The following ENOX1 variants were observed in gnomAD, a reference collection of about 807,000 sequenced individuals.
The protein encoded by ENOX1 is ecto-NOX disulfide-thiol exchanger 1.
In ENOX1, 42 loss-of-function variants were observed where a neutral mutation model predicts 82.5. The observed-to-expected ratio is 0.51, with a 90% confidence interval of 0.40 to 0.66. The LOEUF is 0.66. Among genes scored for constraint, ENOX1 ranks in the 30% least tolerant of loss-of-function variants. The pLI is 0.00. For missense variants in ENOX1, 608 were observed against 811.6 expected (o/e 0.75, Z 3.05); for synonymous variants, 271 against 282.2 (o/e 0.96, Z 0.40).
At chr13:43,422,088 T>C (rs1238696448) in intron 3 of ENOX1, among the ~76,000 whole-genome samples, 2 of 152,002 alleles carry the variant, frequency 1.3e-5, no homozygotes, top group Non-Finnish European at 1.5e-5. Context: ...TCTTGTATAC[T>C]AGAATACAGA....
At chr13:43,452,435 T>C (rs2057017296) in intron 3 of ENOX1, among the ~76,000 whole-genome samples, 1 of 152,238 alleles carries the variant, frequency 6.6e-6, no homozygotes, top group South Asian at 2.1e-4. Context: ...TCCATGTCCC[T>C]GCAAAGAACA....
At position 43,579,497 on chromosome 13, in the gene ENOX1, C is replaced by T. The variant is rs1320771028; in HGVS notation, c.-219+87982G>A. Reference sequence around the variant, plus strand: ...AATGAGCATTTCAGTCTCCAATATCCAGCAGATGCATTTCTACTATTTTCA... The same window carrying T: ...AATGAGCATTTCAGTCTCCAATATCTAGCAGATGCATTTCTACTATTTTCA... On this transcript the variant is annotated intron_variant, in intron 2 of 16. Transcript: ENST00000690772. Among the ~76,000 whole-genome samples, 3 of 152,190 alleles carry T rather than the reference C, an allele frequency of 2.0e-5. No individual in the cohort carries two copies. The East Asian group carries it at 5.8e-4, about 29-fold the overall frequency.
intron 2 of ENOX1, among the ~76,000 whole-genome samples, chr13:43,604,242 T>G (rs987106939): frequency 6.6e-6 from 1 of 151,696 alleles, no homozygotes; most frequent in Admixed American, 6.6e-5. Flanking sequence ...GTTGTTTTTT[T>G]CTTGTAAATT....
rs1253353920 is a variant in ENOX1 at position 43,707,264 on chromosome 13, T to C, written c.-284-39720A>G. Among the ~76,000 whole-genome samples the C allele has an allele frequency of 2.0e-5, 3 of 152,114 alleles. No homozygotes were observed. The East Asian group carries it at 5.8e-4, about 29-fold the overall frequency. On this transcript the variant is annotated intron_variant, in intron 1 of 16. Transcript: ENST00000690772. ...ATTGAAGAAAAAGAATAAAGACCTA[T>C]GTAAATGAATAGATGTTTCATGTTT...
At chr13:43,277,352 T>G (rs1288116181) in intron 12 of ENOX1, among the ~76,000 whole-genome samples, 1 of 152,188 alleles carries the variant, frequency 6.6e-6, no homozygotes. Flanking sequence ...ACCCTGCTGT[T>G]AAGATCCTAA....
chr13:43,678,709 C>T (rs1016127859), intron 1 of ENOX1, among the ~76,000 whole-genome samples: 1 of 152,172 alleles, frequency 6.6e-6, no homozygotes, highest in African/African-American at 2.4e-5. Context: ...CTGAGTAGCA[C>T]TCAGAACTGC....
chr13:43,742,272 T>G (rs1019922365), intron 1 of ENOX1, among the ~76,000 whole-genome samples: 6 of 152,004 alleles, frequency 3.9e-5, no homozygotes, highest in Admixed American at 3.9e-4. Context: ...GGAAAACCAG[T>G]GACATAGTAA....
intron 2 of ENOX1, among the ~76,000 whole-genome samples, chr13:43,552,274 A>G (rs1227380420): frequency 1.3e-5 from 2 of 152,044 alleles, no homozygotes; most frequent in African/African-American, 4.8e-5. Context: ...GAAGCCATAG[A>G]AAAGGGCTCA....
chr13:43,712,346 C>A lies in ENOX1; in HGVS notation c.-284-44802G>T, dbSNP rs540229374. Among the ~76,000 whole-genome samples the A allele has an allele frequency of 1.4e-4, 21 of 151,822 alleles. No individual in the cohort carries two copies. In the South Asian group the frequency reaches 2.1e-3, roughly 15 times the overall value. On this transcript the variant is annotated intron_variant, in intron 1 of 16. Transcript: ENST00000690772. The stretch of plus-strand genomic sequence containing the variant: ...GTAGCCTTGTAGTATAGTTTGAAGT[C>A]AGGTAGCATGATGCCTCCAGCTTTG...
In ENOX1 at chr13:43,603,353, C is replaced by CT. The variant is rs1317132765; in HGVS notation, c.-219+64125dup. 5.5e-4 allele frequency among the ~76,000 whole-genome samples: 77 copies of CT among 139,356 alleles called. 1 individual carries two copies. The highest frequency in any genetic ancestry group is 2.1e-3 in the African/African-American group (73 of 34,830). The allele number at this position is 139,356 out of a possible 152,430, so 91.4% of individuals were successfully genotyped here. On this transcript the variant is annotated intron_variant, in intron 2 of 16. Transcript: ENST00000690772. ...TGGGATGGCAAAATGGTTCCAGCTG[C>CT]TTTTTTTTCCTTTTATTTATTTTAT... is the stretch of plus-strand genomic sequence containing the variant.
intron 11 of ENOX1, among the ~76,000 whole-genome samples, chr13:43,320,417 T>G (rs1036188736): frequency 6.6e-6 from 1 of 152,200 alleles, no homozygotes; most frequent in African/African-American, 2.4e-5. Context: ...GTTCAGGCTC[T>G]ACTTCACGTT....
At chr13:43,253,615 A>G (rs1302776341) in intron 14 of ENOX1, among the ~76,000 whole-genome samples, 2 of 152,192 alleles carry the variant, frequency 1.3e-5, no homozygotes, top group African/African-American at 4.8e-5. Flanking sequence ...GAAAATCACT[A>G]TGGAATATTT....
chr13:43,611,762 A>G (rs556430912), intron 2 of ENOX1, among the ~76,000 whole-genome samples: 39 of 152,302 alleles, frequency 2.6e-4, no homozygotes, highest in African/African-American at 8.9e-4. Context: ...CTTAACAACC[A>G]ATTACTTGTA....
At chr13:43,735,935 A>C (rs779528839) in intron 1 of ENOX1, among the ~76,000 whole-genome samples, 1 of 152,210 alleles carries the variant, frequency 6.6e-6, no homozygotes, top group Non-Finnish European at 1.5e-5. Flanking sequence ...TTGCTTCTGG[A>C]AACTTCCCGT....
Position 43,651,916 on chromosome 13 carries a change from G to A in ENOX1, c.-219+15563C>T, listed in dbSNP as rs1165860572. The stretch of plus-strand genomic sequence containing the variant: ...CTTGAACCCAGGAGTCGGAGGTTGC[G>A]GTGAGATGAGATCGTGCCATCGCAG... On this transcript the variant is annotated intron_variant, in intron 2 of 16. Transcript: ENST00000690772. 5.4e-5 allele frequency among the ~76,000 whole-genome samples: 8 copies of A among 147,512 alleles called. No individual in the cohort carries two copies. In the East Asian group the frequency reaches 8.2e-4, roughly 15 times the overall value.
chr13:43,222,303 C>T (rs1353585914), intron 16 of ENOX1, among the ~76,000 whole-genome samples: 1 of 151,738 alleles, frequency 6.6e-6, no homozygotes, highest in Non-Finnish European at 1.5e-5. Flanking sequence ...GAGCTTCTAC[C>T]CGCCACCCCC....
At chr13:43,702,489 C>T (rs563812270) in intron 1 of ENOX1, among the ~76,000 whole-genome samples, 38 of 152,246 alleles carry the variant, frequency 2.5e-4, no homozygotes, top group East Asian at 7.7e-4. Flanking sequence ...TCTGGAAGAA[C>T]GGGGCATGCT....
intron 11 of ENOX1, among the ~76,000 whole-genome samples, chr13:43,318,708 G>A (rs971153813): frequency 2.0e-5 from 3 of 152,286 alleles, no homozygotes; most frequent in African/African-American, 4.8e-5. Context: ...TATTGATTAC[G>A]TACTTGGGGA....
intron 11 of ENOX1, among the ~76,000 whole-genome samples, chr13:43,307,829 G>A (rs960312232): frequency 6.6e-6 from 1 of 152,246 alleles, no homozygotes; most frequent in African/African-American, 2.4e-5. Flanking sequence ...TATGTCTGGA[G>A]AAAGTTTCTG....
Sources: allele counts gnomAD v4.1 joint callset (sites outside exome capture counted in the v4.1 genomes callset), GRCh38; gene constraint gnomAD v4.1.1; transcripts MANE v1.5; gene names NCBI Gene and HGNC (gene_info 2026-07-23, HGNC 2026-07-21).